Variants in MCM5 observed in about 807,000 individuals in gnomAD.
The protein encoded by MCM5 is minichromosome maintenance complex component 5, also known as DNA replication licensing factor MCM5.
Under a neutral mutation model 79.9 loss-of-function variants are expected in MCM5, and 46 were observed. That is an observed-to-expected ratio of 0.58 (90% CI 0.45 to 0.74). The LOEUF is 0.74. MCM5 is among the 30% of genes least tolerant of loss of function. The probability of loss-of-function intolerance (pLI) is 0.00; values close to 1 mark genes in which losing one functional copy is unlikely to be tolerated. For missense variants in MCM5, 883 were observed against 1,017.0 expected (o/e 0.87, Z 1.79); for synonymous variants, 404 against 390.5 (o/e 1.03, Z -0.41).
chr22:35,400,391 G>T (rs373183730), intron 1 of MCM5, 40 bp from the exon 2 acceptor site: 1 of 1,611,034 alleles, frequency 6.2e-7, no homozygotes, highest in African/African-American at 1.3e-5. Context: ...GGTGCCAGGC[G>T]CTGCCCCCAG....
the MCM5 span, among the ~76,000 whole-genome samples, chr22:35,451,756 C>T: frequency 1.3e-5 from 2 of 152,230 alleles, no homozygotes; most frequent in African/African-American, 2.4e-5. Context: ...TTGTTAGCAG[C>T]GGTTCCTGAG....
the MCM5 span, among the ~76,000 whole-genome samples, chr22:35,435,678 CA>C: frequency 6.6e-6 from 1 of 152,172 alleles, no homozygotes; most frequent in Non-Finnish European, 1.5e-5. Flanking sequence ...CAACCCTGGC[CA>C]GGAGGGGCAG....
chr22:35,416,511 CTGTGTGTGTGTGTGTGTGTGTG>C (rs133421), intron 11 of MCM5, 105 bp from the exon 12 acceptor site: 25,592 of 1,023,572 alleles, frequency 0.025, 400 homozygotes, highest in African/African-American at 0.089. Flanking sequence ...GGCCTAGAAT[CTGTGTGTGTGTGTGTGTGTGTG>C]TGTGTGTGTG....
At chr22:35,439,865 C>T in the MCM5 span, among the ~76,000 whole-genome samples, 1 of 152,252 alleles carries the variant, frequency 6.6e-6, no homozygotes, top group South Asian at 2.1e-4. Flanking sequence ...GTGTGCAGGC[C>T]TGGCATGGTG....
rs1202929646 is a variant in MCM5, at chr22:35,424,990, T to G, written c.*735T>G. On this transcript the variant is annotated 3_prime_UTR_variant, in exon 17 of 17. Transcript: ENST00000216122. ...ACTAGGACTCCAGCCAGTTCTTTCC[T>G]GGTGGGCCACGTGTAACTGTGTGGC... 6.6e-6 allele frequency: 1 copy of G among 152,244 alleles called. No homozygotes were observed. Among genetic ancestry groups the G allele is most frequent in the Non-Finnish European group, 1.5e-5 (1 of 68,046 alleles). The allele number at this position is 152,244 out of a possible 1,614,324, so 9.4% of individuals were successfully genotyped here.
At position 35,424,192 on chromosome 22, in the gene MCM5, C is replaced by A. The variant is rs950133159; in HGVS notation, c.2142C>A (p.Leu714=). The A allele has an allele frequency of 4.3e-5, 67 of 1,553,100 alleles. No individual in the cohort carries two copies. Among genetic ancestry groups the A allele is most frequent in the Non-Finnish European group, 5.6e-5 (64 of 1,147,888 alleles). Residue 714 remains leucine, a synonymous_variant, in exon 17 of 17, where the codon CTC becomes CTA. Coordinates refer to ENST00000216122, the MANE Select transcript of MCM5 (RefSeq NM_006739.4). ...ACGCCATCCACAAGGTGCTGCAGCT[C>A]ATGCTGCGGCGCGGCGAGATCCAGC... ...PEHAIHKVLQ[L]MLRRGEIQHR...
downstream of MCM5, among the ~76,000 whole-genome samples, chr22:35,428,997 T>TTC (rs1314299071): frequency 4.5e-3 from 648 of 145,058 alleles, 5 homozygotes; most frequent in Non-Finnish European, 6.9e-3. Flanking sequence ...TTTTTTTTTT[T>TTC]CTTTTTTGAG....
the MCM5 span, among the ~76,000 whole-genome samples, chr22:35,444,524 C>T: frequency 3.3e-5 from 5 of 152,106 alleles, no homozygotes; most frequent in African/African-American, 4.8e-5. Context: ...CAGAGCTTGG[C>T]GAGGAGCCCC....
intron 9 of MCM5, among the ~76,000 whole-genome samples, chr22:35,415,351 T>C (rs574614918): frequency 5.9e-5 from 9 of 152,348 alleles, no homozygotes; most frequent in African/African-American, 1.7e-4. Flanking sequence ...AAATCGTGCG[T>C]ATTTTGCACG....
chr22:35,451,054 A>G, the MCM5 span, among the ~76,000 whole-genome samples: 1 of 151,922 alleles, frequency 6.6e-6, no homozygotes, highest in Admixed American at 6.6e-5. Flanking sequence ...TTTCCCGGAA[A>G]CTCCCTCTTT....
At chr22:35,407,874 T>G (rs1479945773) in intron 5 of MCM5, among the ~76,000 whole-genome samples, 1 of 152,242 alleles carries the variant, frequency 6.6e-6, no homozygotes, top group East Asian at 1.9e-4. Context: ...ACCTTTTTGT[T>G]CAGTGCTGTG....
chr22:35,405,775 C>T (rs572723620), intron 4 of MCM5, among the ~76,000 whole-genome samples: 56 of 151,974 alleles, frequency 3.7e-4, no homozygotes, highest in African/African-American at 7.7e-4. Context: ...TTTGGGAGGC[C>T]GAGGCCAGTG....
chr22:35,419,428 A>G (rs986273379), intron 13 of MCM5, among the ~76,000 whole-genome samples: 1 of 152,170 alleles, frequency 6.6e-6, no homozygotes, highest in Admixed American at 6.5e-5. Flanking sequence ...AGTCACCGCC[A>G]AGCCTCCTGT....
In MCM5 at chr22:35,400,153, C is replaced by A. The variant is rs1320889711; in HGVS notation, c.-64C>A. On this transcript the variant is annotated 5_prime_UTR_variant, in exon 1 of 17. Transcript: ENST00000216122. ...CTCTTGTTTTTCCCGCGAAACTCGGCGGCTGAGCGTGGAGGTTCTTGTCTC... is the reference window on the plus strand; with the variant it reads ...CTCTTGTTTTTCCCGCGAAACTCGGAGGCTGAGCGTGGAGGTTCTTGTCTC... 1 of 409,684 alleles carries A rather than the reference C, an allele frequency of 2.4e-6. No homozygotes were observed. The highest frequency in any genetic ancestry group is 2.4e-5 in the South Asian group (1 of 41,184). The allele number at this position is 409,684 out of a possible 1,614,324, so 25.4% of individuals were successfully genotyped here.
In MCM5 at chr22:35,415,951, C is replaced by T; in HGVS notation, c.1326C>T (p.Val442=). The T allele has an allele frequency of 1.9e-6, 3 of 1,614,106 alleles. No individual in the cohort carries two copies. Among genetic ancestry groups the T allele is most frequent in the Non-Finnish European group, 2.5e-6 (3 of 1,179,972 alleles). ...TGGTCCTGGCCGATGGTGGGGTCGT[C>T]TGTATTGACGAGTTTGACAAGGTGA... The part of the protein sequence containing the change: ...GAMVLADGGV[V]CIDEFDKMRE... The change falls in exon 10 of 17, where the codon GTC becomes GTT. Residue 442 remains valine, a synonymous_variant. Coordinates refer to ENST00000216122, the MANE Select transcript of MCM5 (RefSeq NM_006739.4).
At chr22:35,453,819 T>TATAGAGAGAGAGAGAGAGAGAG in the MCM5 span, among the ~76,000 whole-genome samples, 1 of 81,548 alleles carries the variant, frequency 1.2e-5, no homozygotes, top group African/African-American at 6.0e-5. Flanking sequence ...TATATATATA[T>TATAGAGAGAGAGAGAGAGAGAG]AGAGAGAGAG....
At position 35,421,375 on chromosome 22, in the gene MCM5, C is replaced by G. The variant is rs780686854; in HGVS notation, c.1890C>G (p.Pro630=). The G allele has an allele frequency of 3.7e-6, 6 of 1,614,098 alleles. No individual in the cohort carries two copies. The South Asian group carries it at 6.6e-5, about 18-fold the overall frequency. The change falls in exon 15 of 17, where the codon CCC becomes CCG. Residue 630 remains proline, a synonymous_variant. Coordinates refer to ENST00000216122, the MANE Select transcript of MCM5 (RefSeq NM_006739.4). ...CCCTCAGCAAGATGAAGCTGCAGCC[C>G]TTCGCCACAGAGGCAGATGTGGAGG... is the stretch of plus-strand genomic sequence containing the variant. The part of the protein sequence containing the change: ...AEALSKMKLQ[P]FATEADVEEA...
chr22:35,438,602 C>CCACCCACCCACCTATCCATCCATCCAT, the MCM5 span, among the ~76,000 whole-genome samples: 1 of 57,076 alleles, frequency 1.8e-5, no homozygotes, highest in Non-Finnish European at 3.1e-5. Flanking sequence ...CATGCATCCA[C>CCACCCACCCACCTATCCATCCATCCAT]CCACCCACAT....
In MCM5 at chr22:35,424,256, G is replaced by C; in HGVS notation, c.*1G>C. 6.5e-7 allele frequency: 1 copy of C among 1,541,160 alleles called. No homozygotes were observed. Among genetic ancestry groups the C allele is most frequent in the Non-Finnish European group, 8.8e-7 (1 of 1,140,924 alleles). ...CAAGGTTCTCTACCGCCTCAAGTGA[G>C]TCGCGCCGCCTCACTGGACTCATGG... On this transcript the variant is annotated 3_prime_UTR_variant, in exon 17 of 17. Coordinates refer to ENST00000216122, the MANE Select transcript of MCM5 (RefSeq NM_006739.4).
Sources: gnomAD v4.1 joint callset for allele counts (sites outside exome capture counted in the v4.1 genomes callset) on GRCh38, gnomAD v4.1.1 for gene constraint, MANE v1.5 for transcripts, NCBI Gene and HGNC (gene_info 2026-07-23, HGNC 2026-07-21) for gene names.